The following PRKCZ variants were observed in gnomAD, a reference collection of about 807,000 sequenced individuals.
PRKCZ encodes the protein protein kinase C zeta type.
A neutral mutation model predicts 79.5 loss-of-function variants in PRKCZ; 33 were observed. The observed-to-expected ratio is 0.41, with a 90% CI of 0.31 to 0.55. PRKCZ has a LOEUF of 0.55. Ranked by LOEUF, PRKCZ falls within the 20% of genes least tolerant of loss-of-function variation. The probability of loss-of-function intolerance (pLI) is 0.19; values close to 1 mark genes in which losing one functional copy is unlikely to be tolerated. For synonymous variants in PRKCZ, 342 were observed against 320.9 expected (o/e 1.07, Z -0.70); for missense variants, 578 against 813.5 (o/e 0.71, Z 3.52).
chr1:2,156,567 A>C (rs1571884867), intron 10 of PRKCZ: 2 of 184,406 alleles, frequency 1.1e-5, no homozygotes, highest in Non-Finnish European at 2.3e-5. Flanking sequence ...GTTATTAAGT[A>C]TGTTCTGCAT....
rs577092913 is a variant in PRKCZ at position 2,053,634 on chromosome 1, C to T, written c.72-1807C>T. 5.6e-4 allele frequency among the ~76,000 whole-genome samples: 86 copies of T among 152,340 alleles called. 1 individual carries two copies. Among genetic ancestry groups the T allele is most frequent in the African/African-American group, 1.9e-3 (81 of 41,570 alleles). ...CTGGGGTTTTACTGGAGCCACCCAC[C>T]TGGCCTCTAGATTGGCCGGAAACTG... On this transcript the variant is annotated intron_variant, in intron 1 of 17. Transcript: ENST00000378567.
chr1:2,181,686 C>T (rs1557759186), intron 16 of PRKCZ: 3 of 376,098 alleles, frequency 8.0e-6, no homozygotes, highest in Non-Finnish European at 1.6e-5. Context: ...ACGGGCTGGG[C>T]CAGGGGCTGG....
intron 4 of PRKCZ, among the ~76,000 whole-genome samples, chr1:2,076,918 T>C (rs1245298024): frequency 6.6e-6 from 1 of 152,176 alleles, no homozygotes; most frequent in Non-Finnish European, 1.5e-5. Flanking sequence ...AGGATTCTCC[T>C]GAACACGCGA....
intron 16 of PRKCZ, 84 bp downstream of exon 16, chr1:2,175,397 A>G (rs1417257625): frequency 4.9e-6 from 5 of 1,018,278 alleles, no homozygotes; most frequent in African/African-American, 5.0e-5. Context: ...CCCAACCCCA[A>G]TATTCACCCA....
chr1:2,096,021 G>A (rs1434907644), intron 4 of PRKCZ, among the ~76,000 whole-genome samples: 4 of 150,876 alleles, frequency 2.7e-5, no homozygotes, highest in Non-Finnish European at 5.9e-5. Context: ...GTAAATGGGT[G>A]TGGGGGCCGG....
chr1:2,074,251 G>T, intron 4 of PRKCZ: 7 of 1,550,488 alleles, frequency 4.5e-6, no homozygotes, highest in Non-Finnish European at 6.1e-6. Flanking sequence ...CTGCTGGAGG[G>T]ACATGCTCAC....
chr1:2,067,936 C>A (rs1661255322), intron 4 of PRKCZ, among the ~76,000 whole-genome samples: 1 of 152,216 alleles, frequency 6.6e-6, no homozygotes, highest in Non-Finnish European at 1.5e-5. Flanking sequence ...GGGGTGGCAT[C>A]CGCTGGCACC....
At position 2,165,097 on chromosome 1, in the gene PRKCZ, A is replaced by T. The variant is rs1448045704; in HGVS notation, c.975-4421A>T. Reference sequence around the variant, plus strand: ...CTTTCTGGCCTTTTATCTTTGATGGAGAAATCCGAGGCCTGCCAGCATCCC... The same window carrying T: ...CTTTCTGGCCTTTTATCTTTGATGGTGAAATCCGAGGCCTGCCAGCATCCC... On this transcript the variant is annotated intron_variant, in intron 10 of 17. Coordinates refer to ENST00000378567, the MANE Select transcript of PRKCZ (RefSeq NM_002744.6). The surrounding 1 kb of genome is among the most constrained non-coding windows in gnomAD (Gnocchi z 4.1). 1.3e-5 allele frequency among the ~76,000 whole-genome samples: 2 copies of T among 152,220 alleles called. No homozygotes were observed. Among genetic ancestry groups the T allele is most frequent in the East Asian group, 3.8e-4 (2 of 5,196 alleles).
intron 1 of PRKCZ, among the ~76,000 whole-genome samples, chr1:2,051,929 G>C (rs1659701976): frequency 6.6e-6 from 1 of 152,188 alleles, no homozygotes; most frequent in Admixed American, 6.5e-5. Context: ...CCCGGGTTTG[G>C]TGCCAGAACC....
chr1:2,136,916 C>T (rs575013039), intron 5 of PRKCZ, among the ~76,000 whole-genome samples: 42 of 152,236 alleles, frequency 2.8e-4, no homozygotes, highest in African/African-American at 9.9e-4. Flanking sequence ...CAGGGTTCTC[C>T]AGAGGGATGG....
At chr1:2,056,378 A>T in intron 2 of PRKCZ, 106 bp from the exon 3 acceptor site, 1 of 1,019,730 alleles carries the variant, frequency 9.8e-7, no homozygotes, top group Non-Finnish European at 1.4e-6. Flanking sequence ...GAGCATCGGG[A>T]CTTTGCCCCC....
rs920883382 is a variant in PRKCZ, at chr1:2,050,586, G to A, written c.-45G>A. 7.7e-6 allele frequency: 9 copies of A among 1,175,832 alleles called. No individual in the cohort carries two copies. Among genetic ancestry groups the A allele is most frequent in the South Asian group, 8.5e-5 (2 of 23,418 alleles). 72.8% of individuals were successfully genotyped at this position (1,175,832 alleles called of 1,614,324 possible). A position where few individuals can be genotyped will look rare whatever the true frequency, so the allele number is the denominator to read the frequency against. ...GGAGCCCCCGCCCCGCGCCATGGCC[G>A]GAGCTCCCGGGGCGCAGCGCTGACG... On this transcript the variant is annotated 5_prime_UTR_variant, in exon 1 of 18. Coordinates refer to ENST00000378567, the MANE Select transcript of PRKCZ (RefSeq NM_002744.6).
At chr1:2,116,675 C>A (rs753144415) in intron 4 of PRKCZ, among the ~76,000 whole-genome samples, 1 of 152,136 alleles carries the variant, frequency 6.6e-6, no homozygotes, top group Non-Finnish European at 1.5e-5. Context: ...GTTCTGATTT[C>A]TTCTGCTTTA....
intron 4 of PRKCZ, among the ~76,000 whole-genome samples, chr1:2,081,231 A>G (rs1459573560): frequency 2.6e-5 from 4 of 152,146 alleles, no homozygotes; most frequent in Admixed American, 6.5e-5. Flanking sequence ...GCAGGTGTCA[A>G]TTTCATACTT....
chr1:2,170,672 C>T (rs919985922), intron 11 of PRKCZ, among the ~76,000 whole-genome samples: 7 of 152,242 alleles, frequency 4.6e-5, no homozygotes, highest in African/African-American at 1.7e-4. Flanking sequence ...CACATCCTCA[C>T]CCCAGACGGG....
chr1:2,097,702 A>C (rs1666760630), intron 4 of PRKCZ, among the ~76,000 whole-genome samples: 1 of 145,506 alleles, frequency 6.9e-6, no homozygotes, highest in Admixed American at 6.6e-5. Flanking sequence ...GGCCCGTGCC[A>C]GGGGGGCCCA....
intron 3 of PRKCZ, among the ~76,000 whole-genome samples, chr1:2,058,451 C>G (rs1660386071): frequency 6.6e-6 from 1 of 151,998 alleles, no homozygotes; most frequent in African/African-American, 2.4e-5. Context: ...GCACTCTAGC[C>G]TGAGTGATGG....
Position 2,059,563 on chromosome 1 carries a change from G to A in PRKCZ, c.306G>A (p.Gln102=), listed in dbSNP as rs1281606956. The change falls in exon 4 of 18, where the codon CAG becomes CAA. Residue 102 remains glutamine (Q), a synonymous_variant. Coordinates refer to ENST00000378567, the MANE Select transcript of PRKCZ (RefSeq NM_002744.6). ...IIHVFPSTPE[Q]PGLPCPGEDK... ...CAGTTTTCCCGAGCACCCCTGAGCA[G>A]CCTGGCCTGCCATGTCCGGGAGAAG... is the stretch of plus-strand genomic sequence containing the variant. 1 of 1,614,126 alleles carries A rather than the reference G, an allele frequency of 6.2e-7. No individual in the cohort carries two copies. The highest frequency in any genetic ancestry group is 1.1e-5 in the South Asian group (1 of 91,096).
At chr1:2,067,112 T>A (rs1009478954) in intron 4 of PRKCZ, among the ~76,000 whole-genome samples, 2 of 152,248 alleles carry the variant, frequency 1.3e-5, no homozygotes, top group African/African-American at 4.8e-5. Flanking sequence ...TCTAAGTTCA[T>A]CTTGATGTGG....
Sources: allele counts gnomAD v4.1 joint callset (sites outside exome capture counted in the v4.1 genomes callset), GRCh38; gene constraint gnomAD v4.1.1; non-coding constraint Gnocchi (gnomAD v3.1); transcripts MANE v1.5; gene names NCBI Gene and HGNC (gene_info 2026-07-23, HGNC 2026-07-21).